Variants in TRPC7 observed in about 807,000 individuals in gnomAD.
TRPC7 encodes short transient receptor potential channel 7.
A neutral mutation model predicts 90.1 loss-of-function variants in TRPC7; 42 were observed. The observed-to-expected ratio is 0.47, with a 90% CI of 0.36 to 0.60. The LOEUF is 0.60. Among genes scored for constraint, TRPC7 ranks in the 20% least tolerant of loss-of-function variants. TRPC7 has a pLI of 0.00. For missense variants in TRPC7, 955 were observed against 1,112.3 expected (o/e 0.86, Z 2.01); for synonymous variants, 451 against 436.3 (o/e 1.03, Z -0.42).
chr5:136,282,163 CCA>C (rs1337246320), intron 3 of TRPC7, among the ~76,000 whole-genome samples: 4 of 152,020 alleles, frequency 2.6e-5, no homozygotes, highest in African/African-American at 9.7e-5. Context: ...TAAATATAAA[CCA>C]CAGTGTCTGA....
intron 2 of TRPC7, among the ~76,000 whole-genome samples, chr5:136,336,745 A>C (rs779659943): frequency 1.3e-5 from 2 of 151,984 alleles, no homozygotes; most frequent in African/African-American, 4.8e-5. Context: ...CCCACCTATG[A>C]GTGAGAACAT....
rs536418673 is a variant in TRPC7 at position 136,296,943 on chromosome 5, C to T, written c.963+18654G>A. On this transcript the variant is annotated intron_variant, in intron 3 of 11. Coordinates refer to ENST00000513104, the MANE Select transcript of TRPC7 (RefSeq NM_020389.3). ...AGGAGTCCTGCCCCTGCCTGGGGTT[C>T]CTGTTCTCCTACCTCAAATTGCCTC... Among the ~76,000 whole-genome samples the T allele has an allele frequency of 2.2e-4, 34 of 152,294 alleles. No homozygotes were observed. In the East Asian group the frequency reaches 6.6e-3, roughly 29 times the overall value.
rs115461649 is a variant in TRPC7, at chr5:136,348,230, A to G, written c.780+8378T>C. 3.4e-3 allele frequency among the ~76,000 whole-genome samples: 513 copies of G among 152,366 alleles called. 7 individuals are homozygous for G. Among genetic ancestry groups the G allele is most frequent in the African/African-American group, 0.012 (497 of 41,592 alleles). On this transcript the variant is annotated intron_variant, in intron 2 of 11. Coordinates refer to ENST00000513104, the MANE Select transcript of TRPC7 (RefSeq NM_020389.3). ...ACTTCTTACACGGCCACTAATGGCA[A>G]AGCCATGGCTAAGGTCTCTTTAGCA... is the stretch of plus-strand genomic sequence containing the variant.
intron 5 of TRPC7, among the ~76,000 whole-genome samples, chr5:136,262,372 G>C (rs1561692389): frequency 6.6e-6 from 1 of 152,164 alleles, no homozygotes; most frequent in Non-Finnish European, 1.5e-5. Context: ...CCTGAATCCA[G>C]CTTTAACACA....
intron 2 of TRPC7, among the ~76,000 whole-genome samples, chr5:136,344,815 T>C (rs1412282464): frequency 6.6e-6 from 1 of 152,140 alleles, no homozygotes; most frequent in Non-Finnish European, 1.5e-5. Flanking sequence ...TGGATGTCTA[T>C]CACTAAGAGA....
chr5:136,353,928 G>C (rs1300995259), intron 2 of TRPC7, among the ~76,000 whole-genome samples: 1 of 152,142 alleles, frequency 6.6e-6, no homozygotes, highest in Non-Finnish European at 1.5e-5. Context: ...TGCAAATACT[G>C]AAATATGCCA....
chr5:136,328,219 C>G (rs899459010), intron 2 of TRPC7, among the ~76,000 whole-genome samples: 43 of 152,260 alleles, frequency 2.8e-4, no homozygotes, highest in African/African-American at 9.9e-4. Flanking sequence ...TTAGGCAACT[C>G]CTGGGTCCTC....
At position 136,337,149 on chromosome 5, in the gene TRPC7, T is replaced by C. The variant is rs145017244; in HGVS notation, c.780+19459A>G. Among the ~76,000 whole-genome samples, 205 of 152,306 alleles carry C rather than the reference T, an allele frequency of 1.3e-3. 1 individual carries two copies. The highest frequency in any genetic ancestry group is 4.8e-3 in the African/African-American group (200 of 41,580). ...CAAGGCTTCAAGCTATTTGGTTCCC[T>C]TACGTAACCTCTAAAATCTTACTAC... On this transcript the variant is annotated intron_variant, in intron 2 of 11. Coordinates refer to ENST00000513104, the MANE Select transcript of TRPC7 (RefSeq NM_020389.3).
At chr5:136,291,951 C>A (rs1050209911) in intron 3 of TRPC7, among the ~76,000 whole-genome samples, 3 of 152,090 alleles carry the variant, frequency 2.0e-5, no homozygotes, top group Non-Finnish European at 2.9e-5. Context: ...TCTCTCAGAC[C>A]ACAGTGCAAT....
In TRPC7 at chr5:136,247,780, T is replaced by C. The variant is rs753452930; in HGVS notation, c.1580-45A>G. On this transcript the variant is annotated intron_variant, in intron 6 of 11. Coordinates refer to ENST00000513104, the MANE Select transcript of TRPC7 (RefSeq NM_020389.3). This position sits in a 1 kb window ranked among gnomAD's most constrained non-coding sequence, Gnocchi z 4.2. The stretch of plus-strand genomic sequence containing the variant: ...GTTACTCACGAGGCCACAGGATCTA[T>C]TCTAGAAGAGAAACCAGTTAGGCAT... 2 of 1,574,206 alleles carry C rather than the reference T, an allele frequency of 1.3e-6. No homozygotes were observed. The highest frequency in any genetic ancestry group is 2.4e-5 in the South Asian group (2 of 84,608).
intron 7 of TRPC7, among the ~76,000 whole-genome samples, chr5:136,241,480 T>G (rs1379862456): frequency 6.6e-6 from 1 of 152,086 alleles, no homozygotes; most frequent in Non-Finnish European, 1.5e-5. Context: ...CCTCATTGCC[T>G]CCGGCCCCTC....
chr5:136,331,011 C>A (rs2149846363), intron 2 of TRPC7, among the ~76,000 whole-genome samples: 1 of 152,252 alleles, frequency 6.6e-6, no homozygotes, highest in South Asian at 2.1e-4. Context: ...CCAGCAGTGG[C>A]TGGGGGAAAC....
At chr5:136,330,319 A>G (rs1191713186) in intron 2 of TRPC7, among the ~76,000 whole-genome samples, 1 of 152,354 alleles carries the variant, frequency 6.6e-6, no homozygotes, top group African/African-American at 2.4e-5. Context: ...TAAGTGCTTT[A>G]TATATTTATC....
chr5:136,223,634 A>G (rs532524296), intron 10 of TRPC7, among the ~76,000 whole-genome samples: 1 of 141,708 alleles, frequency 7.1e-6, no homozygotes, highest in South Asian at 2.2e-4. Flanking sequence ...TAAATAAAGT[A>G]AAAAAAAAAA....
intron 8 of TRPC7, 114 bp from the exon 9 acceptor site, chr5:136,226,369 G>A: frequency 1.3e-6 from 1 of 744,308 alleles, no homozygotes. Context: ...TTCTAAGCAG[G>A]ACTTGGTGTA....
At chr5:136,221,409 C>T (rs966338034) in intron 10 of TRPC7, among the ~76,000 whole-genome samples, 10 of 152,238 alleles carry the variant, frequency 6.6e-5, no homozygotes, top group African/African-American at 2.4e-4. Flanking sequence ...ACAGTTCCCA[C>T]AGCCCAGACC....
In TRPC7 at chr5:136,356,920, CTCGTCGTAGGCATAGAAGTCG is replaced by C. The variant is rs1760400537; in HGVS notation, c.447_467del (p.Asp149_Asp155del). The stretch of plus-strand genomic sequence containing the variant: ...TGTCGTGGGAGAAGCGCGTGCCGTC[CTCGTCGTAGGCATAGAAGTCG>C]TCGTCGCGCAGCTCCTGTTCCAGCG... On this transcript the variant is annotated inframe_deletion, in exon 2 of 12. Transcript: ENST00000513104. 6.2e-7 allele frequency: 1 copy of C among 1,613,584 alleles called. No individual in the cohort carries two copies.
intron 4 of TRPC7, among the ~76,000 whole-genome samples, chr5:136,271,659 A>T (rs1199791536): frequency 6.6e-6 from 1 of 152,230 alleles, no homozygotes; most frequent in East Asian, 1.9e-4. Context: ...GCCTGAGCTC[A>T]ACTAAGTTGG....
intron 1 of TRPC7, among the ~76,000 whole-genome samples, chr5:136,361,282 C>T (rs1040673342): frequency 4.0e-5 from 6 of 151,876 alleles, no homozygotes; most frequent in Non-Finnish European, 5.9e-5. Flanking sequence ...GATTAAATAC[C>T]CCAATTAAGA....
Sources: allele counts gnomAD v4.1 joint callset (sites outside exome capture counted in the v4.1 genomes callset), GRCh38; gene constraint gnomAD v4.1.1; non-coding constraint Gnocchi (gnomAD v3.1); transcripts MANE v1.5; gene names NCBI Gene and HGNC (gene_info 2026-07-23, HGNC 2026-07-21).